FOCAD: variants seen among roughly 807,000 people sequenced by gnomAD.
The protein encoded by FOCAD is focadhesin.
A neutral mutation model predicts 225.6 loss-of-function variants in FOCAD; 198 were observed. The observed-to-expected ratio is 0.88, with a 90% confidence interval of 0.78 to 0.99. The LOEUF (loss-of-function observed/expected upper bound fraction) is 0.99, where lower values mean the gene tolerates loss of function less well. FOCAD is among the 50% of genes least tolerant of loss of function. FOCAD has a pLI of 0.00. For missense variants in FOCAD, 2,713 were observed against 2,123.6 expected (o/e 1.28, Z -5.46); for synonymous variants, 897 against 755.0 (o/e 1.19, Z -3.08).
At chr9:20,792,634 T>C (rs940005204) in intron 11 of FOCAD, among the ~76,000 whole-genome samples, 5 of 152,236 alleles carry the variant, frequency 3.3e-5, no homozygotes, top group African/African-American at 1.2e-4. Context: ...TTATTTTCTT[T>C]TTACATTTTG....
rs757339586 is a variant in FOCAD, at chr9:20,715,363, G to T, written c.10G>T (p.Asp4Tyr). 9.2e-6 allele frequency: 14 copies of T among 1,523,640 alleles called. No individual in the cohort carries two copies. The Admixed American group carries it at 2.4e-4, about 26-fold the overall frequency. The allele number at this position is 1,523,640 out of a possible 1,614,324, so 94.4% of individuals were successfully genotyped here. A position where few individuals can be genotyped will look rare whatever the true frequency, so the allele number is the denominator to read the frequency against. Reference protein sequence around the residue: MSDDIRKRFEFPNS... With the variant: MSDYIRKRFEFPNS... ...TGTAAGAGAAGCAAAAATGTCAGAT[G>T]ATATCAGGAAAAGGTTTGAATTTCC... Residue 4 changes from aspartate (D) to tyrosine (Y), a missense_variant, in exon 2 of 44, where the codon GAT becomes TAT. Transcript: ENST00000338382.
At chr9:20,778,642 C>G (rs2131078822) in intron 8 of FOCAD, 39 bp from the exon 9 acceptor site, 5 of 1,157,792 alleles carry the variant, frequency 4.3e-6, no homozygotes, top group Non-Finnish European at 6.5e-6. Context: ...ATTCTGGGAA[C>G]TTCTTTAACA....
intron 20 of FOCAD, 140 bp from the exon 21 acceptor site, chr9:20,884,969 G>C (rs1830985004): frequency 3.6e-6 from 1 of 275,580 alleles, no homozygotes; most frequent in Middle Eastern, 1.4e-3. Flanking sequence ...TGAGGCAGAA[G>C]AATCCCTTGA....
chr9:20,771,017 G>A (rs1818167567), intron 8 of FOCAD, among the ~76,000 whole-genome samples: 1 of 152,138 alleles, frequency 6.6e-6, no homozygotes, highest in Non-Finnish European at 1.5e-5. Context: ...GATTTTATGG[G>A]AGTATATTTA....
At chr9:20,797,258 C>A (rs1310677644) in intron 11 of FOCAD, among the ~76,000 whole-genome samples, 1 of 152,162 alleles carries the variant, frequency 6.6e-6, no homozygotes, top group Non-Finnish European at 1.5e-5. Context: ...CATGATGCCT[C>A]CAGCTTTGTT....
intron 15 of FOCAD, among the ~76,000 whole-genome samples, chr9:20,861,762 A>G (rs1828792477): frequency 6.6e-6 from 1 of 152,206 alleles, no homozygotes; most frequent in African/African-American, 2.4e-5. Flanking sequence ...AGAAAGATTA[A>G]TTCTTATTAA....
At chr9:20,863,207 C>T (rs1377322673) in intron 16 of FOCAD, 4 of 151,386 alleles carry the variant, frequency 2.6e-5, no homozygotes, top group African/African-American at 9.7e-5. Flanking sequence ...GAGTGAAATG[C>T]ATGAGAGGGT....
At chr9:20,903,155 C>T (rs1281112904) in intron 21 of FOCAD, among the ~76,000 whole-genome samples, 2 of 151,910 alleles carry the variant, frequency 1.3e-5, no homozygotes, top group Non-Finnish European at 2.9e-5. Flanking sequence ...TCCCCACCTC[C>T]ATCTCCTAAC....
At chr9:20,921,894 G>A (rs987021072) in intron 24 of FOCAD, among the ~76,000 whole-genome samples, 1 of 152,054 alleles carries the variant, frequency 6.6e-6, no homozygotes, top group Non-Finnish European at 1.5e-5. Flanking sequence ...TTTGTTTTAT[G>A]ACTTTTGATA....
chr9:20,700,578 T>C (rs1823864242), intron 1 of FOCAD, among the ~76,000 whole-genome samples: 1 of 152,046 alleles, frequency 6.6e-6, no homozygotes, highest in Non-Finnish European at 1.5e-5. Context: ...CTAAAAAGAA[T>C]TATCATCAAT....
chr9:20,805,956 A>C (rs1416525779), intron 11 of FOCAD, among the ~76,000 whole-genome samples: 1 of 152,180 alleles, frequency 6.6e-6, no homozygotes, highest in East Asian at 1.9e-4. Context: ...CACTGTTGCT[A>C]GGCAACTCTC....
chr9:20,864,312 A>T lies in FOCAD; in HGVS notation c.2055+1600A>T, dbSNP rs536195290. Among the ~76,000 whole-genome samples the T allele has an allele frequency of 2.1e-3, 316 of 152,184 alleles. 1 individual carries two copies. The highest frequency in any genetic ancestry group is 7.2e-3 in the African/African-American group (301 of 41,560). ...TAAAATGTAGTCCAACCTGTTTACA[A>T]CAAGTCCATAAAGCATTCTGGAATC... On this transcript the variant is annotated intron_variant, in intron 16 of 43. Transcript: ENST00000338382.
chr9:20,990,058 G>A (rs1841509781), intron 41 of FOCAD, 65 bp from the exon 42 acceptor site: 3 of 1,591,068 alleles, frequency 1.9e-6, no homozygotes, highest in African/African-American at 2.7e-5. Flanking sequence ...GGCTGTGTAT[G>A]TGAACATGTG....
At chr9:20,750,999 A>G (rs1245411658) in intron 5 of FOCAD, among the ~76,000 whole-genome samples, 7 of 151,990 alleles carry the variant, frequency 4.6e-5, no homozygotes, top group Admixed American at 3.9e-4. Context: ...TGATCGCCTT[A>G]TTTTATTATT....
At chr9:20,772,291 C>T (rs1818319755) in intron 8 of FOCAD, among the ~76,000 whole-genome samples, 1 of 152,020 alleles carries the variant, frequency 6.6e-6, no homozygotes, top group Non-Finnish European at 1.5e-5. Flanking sequence ...GATCATACAT[C>T]GTTGGATATA....
At chr9:20,691,582 C>T (rs1278877705) in intron 1 of FOCAD, among the ~76,000 whole-genome samples, 3 of 145,232 alleles carry the variant, frequency 2.1e-5, no homozygotes, top group South Asian at 2.2e-4. Context: ...CCCGGGTTCA[C>T]GCCATTCTCC....
At chr9:20,726,306 A>G (rs552771829) in intron 4 of FOCAD, 1 of 152,132 alleles carries the variant, frequency 6.6e-6, no homozygotes, top group Non-Finnish European at 1.5e-5. Flanking sequence ...GTTGCTTAGT[A>G]ACAGGATTGT....
intron 35 of FOCAD, among the ~76,000 whole-genome samples, chr9:20,973,569 C>G (rs879612022): frequency 4.8e-5 from 7 of 144,514 alleles, no homozygotes; most frequent in East Asian, 2.0e-4. Flanking sequence ...TCCTATGTTT[C>G]TCCTTTCTGC....
chr9:20,827,570 G>A (rs1417499883), intron 15 of FOCAD, among the ~76,000 whole-genome samples: 4 of 151,668 alleles, frequency 2.6e-5, no homozygotes, highest in Non-Finnish European at 5.9e-5. Context: ...TAAAAAAGGA[G>A]ATCCTGCCAT....
Sources: gnomAD v4.1 joint callset for allele counts (sites outside exome capture counted in the v4.1 genomes callset) on GRCh38, gnomAD v4.1.1 for gene constraint, MANE v1.5 for transcripts, NCBI Gene and HGNC (gene_info 2026-07-23, HGNC 2026-07-21) for gene names.